Variants in PRKCA observed in about 807,000 individuals in gnomAD.
PRKCA encodes the protein protein kinase C alpha type.
In PRKCA, 27 loss-of-function variants were observed where a neutral mutation model predicts 87.0. That is an observed-to-expected ratio of 0.31 (90% CI 0.23 to 0.43). The LOEUF is 0.43. Ranked by LOEUF, PRKCA falls within the 20% of genes least tolerant of loss-of-function variation. The pLI is 1.00. For missense variants in PRKCA, 518 were observed against 852.3 expected, an observed-to-expected ratio of 0.61 and a Z score of 4.88; for synonymous variants, 329 against 311.1, an observed-to-expected ratio of 1.06 and a Z score of -0.61.
rs5821517 is a variant in PRKCA at position 66,555,730 on chromosome 17, A to ATT, written c.288+59456_288+59457dup. 8.6e-4 allele frequency among the ~76,000 whole-genome samples: 130 copies of ATT among 150,494 alleles called. 1 individual carries two copies. Among genetic ancestry groups the ATT allele is most frequent in the Middle Eastern group, 3.4e-3 (1 of 290 alleles). On this transcript the variant is annotated intron_variant, in intron 3 of 16. Coordinates refer to ENST00000413366, the MANE Select transcript of PRKCA (RefSeq NM_002737.3). ...CTTTGGATTGCAGGTTTAAAAAAAA[A>ATT]TTTTTTTTTTATTGCTGAGACTTCT...
chr17:66,379,115 GT>G (rs766796224), intron 2 of PRKCA, among the ~76,000 whole-genome samples: 5 of 152,140 alleles, frequency 3.3e-5, no homozygotes, highest in Non-Finnish European at 5.9e-5. Flanking sequence ...TGAACATTCA[GT>G]TGTGCATGAG....
intron 8 of PRKCA, among the ~76,000 whole-genome samples, chr17:66,720,488 G>A (rs559269018): frequency 2.6e-5 from 4 of 152,184 alleles, no homozygotes; most frequent in African/African-American, 4.8e-5. Context: ...TAACGATACC[G>A]TGAAAACCCT....
intron 4 of PRKCA, among the ~76,000 whole-genome samples, chr17:66,644,542 T>C (rs908746820): frequency 1.3e-5 from 2 of 152,154 alleles, no homozygotes; most frequent in African/African-American, 4.8e-5. Flanking sequence ...GATCTTTTTT[T>C]ATCCTCCCCC....
At chr17:66,396,852 A>G (rs1017503657) in intron 2 of PRKCA, among the ~76,000 whole-genome samples, 4 of 150,298 alleles carry the variant, frequency 2.7e-5, no homozygotes, top group African/African-American at 7.3e-5. Flanking sequence ...TTTCATTATT[A>G]TAAGTAATGC....
intron 3 of PRKCA, among the ~76,000 whole-genome samples, chr17:66,617,075 C>G (rs1045770062): frequency 5.3e-5 from 8 of 152,052 alleles, no homozygotes; most frequent in Non-Finnish European, 4.4e-5. Context: ...AAAAGTGACA[C>G]AAAATGCATT....
chr17:66,514,919 A>G (rs899901102), intron 3 of PRKCA, among the ~76,000 whole-genome samples: 1 of 152,024 alleles, frequency 6.6e-6, no homozygotes, highest in Non-Finnish European at 1.5e-5. Context: ...GCTTTTGTTG[A>G]GCATGTTTCT....
chr17:66,346,722 A>G (rs1192311923), intron 2 of PRKCA, among the ~76,000 whole-genome samples: 3 of 152,108 alleles, frequency 2.0e-5, no homozygotes, highest in African/African-American at 7.2e-5. Context: ...TTTAGTATAG[A>G]TTAAGGCACT....
At chr17:66,614,167 T>C (rs72845948) in intron 3 of PRKCA, among the ~76,000 whole-genome samples, 7,065 of 152,252 alleles carry the variant, frequency 0.046, 218 homozygotes, top group Admixed American at 0.071. Flanking sequence ...CGATTCCAGC[T>C]GGACGTGAAG....
intron 2 of PRKCA, among the ~76,000 whole-genome samples, chr17:66,320,270 T>A (rs188232169): frequency 6.6e-6 from 1 of 152,222 alleles, no homozygotes; most frequent in Non-Finnish European, 1.5e-5. Context: ...CTCCAGCCCC[T>A]ACCTCCTATA....
chr17:66,384,234 G>A (rs1909924281), intron 2 of PRKCA, among the ~76,000 whole-genome samples: 1 of 152,180 alleles, frequency 6.6e-6, no homozygotes, highest in Admixed American at 6.5e-5. Context: ...ATAGTGGAGT[G>A]TGACCTTTTG....
chr17:66,497,894 A>G (rs201115022), intron 3 of PRKCA, among the ~76,000 whole-genome samples: 1 of 152,228 alleles, frequency 6.6e-6, no homozygotes, highest in East Asian at 1.9e-4. Flanking sequence ...GCACGGGAAC[A>G]TGCACAATGG....
chr17:66,425,671 C>T (rs771463956), intron 2 of PRKCA, among the ~76,000 whole-genome samples: 4 of 152,148 alleles, frequency 2.6e-5, no homozygotes, highest in African/African-American at 7.2e-5. Context: ...GCGATTTTAG[C>T]GATCTTAGAA....
At chr17:66,694,980 A>G (rs917500374) in intron 8 of PRKCA, among the ~76,000 whole-genome samples, 1 of 152,126 alleles carries the variant, frequency 6.6e-6, no homozygotes, top group Non-Finnish European at 1.5e-5. Flanking sequence ...TCCTAGAATC[A>G]AGAAAATGGG....
At chr17:66,369,598 A>G (rs1429639498) in intron 2 of PRKCA, among the ~76,000 whole-genome samples, 2 of 152,154 alleles carry the variant, frequency 1.3e-5, no homozygotes, top group Admixed American at 6.5e-5. Flanking sequence ...AGCATTTTCC[A>G]TCTCTATCCC....
At chr17:66,777,168 C>A (rs2144345979) in intron 14 of PRKCA, 4 of 979,700 alleles carry the variant, frequency 4.1e-6, no homozygotes, top group South Asian at 4.7e-5. Context: ...CCTCTCCTGC[C>A]CTGCCCATGT....
chr17:66,523,274 C>G lies in PRKCA; in HGVS notation c.288+26991C>G, dbSNP rs1229803600. Among the ~76,000 whole-genome samples, 3 of 152,098 alleles carry G rather than the reference C, an allele frequency of 2.0e-5. No homozygotes were observed. The East Asian group carries it at 5.8e-4, about 29-fold the overall frequency. The stretch of plus-strand genomic sequence containing the variant: ...TGGGATACTTTCCAAAATGCATTCC[C>G]CCAGTTCCTCCCCGAAATTCAGGCA... On this transcript the variant is annotated intron_variant, in intron 3 of 16. Coordinates refer to ENST00000413366, the MANE Select transcript of PRKCA (RefSeq NM_002737.3).
chr17:66,810,010 G>A lies in PRKCA; in HGVS notation c.*5973G>A, dbSNP rs1254768030. 1 of 152,248 alleles carries A rather than the reference G, an allele frequency of 6.6e-6. No homozygotes were observed. Among genetic ancestry groups the A allele is most frequent in the East Asian group, 1.9e-4 (1 of 5,202 alleles). The allele number at this position is 152,248 out of a possible 1,614,324, so 9.4% of individuals were successfully genotyped here. A position where few individuals can be genotyped will look rare whatever the true frequency, so the allele number is the denominator to read the frequency against. ...AATACTTCGATCTCCCAAGATATAA[G>A]AGGCAGCAGCAAACGTGCCTATTGA... On this transcript the variant is annotated 3_prime_UTR_variant, in exon 17 of 17. Coordinates refer to ENST00000413366, the MANE Select transcript of PRKCA (RefSeq NM_002737.3).
At chr17:66,332,520 A>C (rs1906395403) in intron 2 of PRKCA, among the ~76,000 whole-genome samples, 1 of 151,570 alleles carries the variant, frequency 6.6e-6, no homozygotes, top group African/African-American at 2.4e-5. Context: ...GAGCCATTGC[A>C]CCTGACTGAA....
At chr17:66,437,422 T>G (rs1913455547) in intron 2 of PRKCA, among the ~76,000 whole-genome samples, 1 of 152,254 alleles carries the variant, frequency 6.6e-6, no homozygotes. Context: ...AGTTTCTTAT[T>G]CATACTGCTT....
Sources: gnomAD v4.1 joint callset for allele counts (sites outside exome capture counted in the v4.1 genomes callset) on GRCh38, gnomAD v4.1.1 for gene constraint, MANE v1.5 for transcripts, NCBI Gene and HGNC (gene_info 2026-07-23, HGNC 2026-07-21) for gene names.